Variants in CLASP1 observed in about 807,000 individuals in gnomAD.
The protein encoded by CLASP1 is cytoplasmic linker associated protein 1, also known as CLIP-associating protein 1.
CLASP1 carries 38 observed loss-of-function variants against 192.3 expected under a neutral mutation model. The ratio of observed to expected loss-of-function variants is 0.20; its 90% CI spans 0.15 to 0.26. The LOEUF (loss-of-function observed/expected upper bound fraction) is 0.26, where lower values mean the gene tolerates loss of function less well. CLASP1 is among the 10% of genes least tolerant of loss of function. CLASP1 has a pLI of 1.00. For missense variants in CLASP1, 1,433 were observed against 1,932.5 expected, an observed-to-expected ratio of 0.74 and a Z score of 4.85; for synonymous variants, 691 against 712.8, an observed-to-expected ratio of 0.97 and a Z score of 0.49.
At chr2:121,512,514 G>T (rs1166792173) in intron 7 of CLASP1, among the ~76,000 whole-genome samples, 2 of 152,124 alleles carry the variant, frequency 1.3e-5, no homozygotes, top group Non-Finnish European at 2.9e-5. Context: ...TACCTTTAGG[G>T]CCTCAACTAC....
intron 2 of CLASP1, chr2:121,602,967 T>C (rs2063965308): frequency 6.6e-6 from 1 of 151,938 alleles, no homozygotes; most frequent in South Asian, 2.1e-4. Flanking sequence ...TGGGATGATA[T>C]TAAACTAAAA....
chr2:121,420,013 A>G (rs1269453258), intron 22 of CLASP1, among the ~76,000 whole-genome samples: 2 of 152,224 alleles, frequency 1.3e-5, no homozygotes, highest in Non-Finnish European at 2.9e-5. Flanking sequence ...CTGATTAAAA[A>G]AAGAATACGA....
chr2:121,448,213 T>C, intron 18 of CLASP1, 63 bp downstream of exon 18: 1 of 1,437,336 alleles, frequency 7.0e-7, no homozygotes, highest in Non-Finnish European at 9.8e-7. Context: ...GGCAGCCTCT[T>C]GCAGCTGCAC....
chr2:121,499,842 G>A (rs1319785099), intron 8 of CLASP1, among the ~76,000 whole-genome samples: 1 of 150,944 alleles, frequency 6.6e-6, no homozygotes, highest in African/African-American at 2.4e-5. Flanking sequence ...ATAAACAGAA[G>A]TAAATAGAAA....
At chr2:121,551,558 G>A (rs1189869905) in intron 2 of CLASP1, among the ~76,000 whole-genome samples, 1 of 152,118 alleles carries the variant, frequency 6.6e-6, no homozygotes, top group Admixed American at 6.6e-5. Flanking sequence ...ACCAGCAACA[G>A]GCAAGCAGAG....
chr2:121,505,797 A>G (rs2093928567), intron 7 of CLASP1, among the ~76,000 whole-genome samples: 1 of 152,178 alleles, frequency 6.6e-6, no homozygotes, highest in African/African-American at 2.4e-5. Context: ...TAAACTCTTC[A>G]ATCCAATTAG....
At chr2:121,601,234 A>G (rs1027840033) in intron 2 of CLASP1, among the ~76,000 whole-genome samples, 1 of 151,814 alleles carries the variant, frequency 6.6e-6, no homozygotes, top group Non-Finnish European at 1.5e-5. Flanking sequence ...TGTAACAACC[A>G]TGGCTAACAT....
intron 1 of CLASP1, among the ~76,000 whole-genome samples, chr2:121,609,461 G>A (rs1374081008): frequency 6.6e-6 from 1 of 152,010 alleles, no homozygotes; most frequent in Non-Finnish European, 1.5e-5. Context: ...ATTTAAAAAA[G>A]GTAACTATTC....
chr2:121,409,462 G>A (rs1486354059), intron 24 of CLASP1, among the ~76,000 whole-genome samples: 1 of 152,128 alleles, frequency 6.6e-6, no homozygotes, highest in Admixed American at 6.5e-5. Flanking sequence ...TCAACAGTTT[G>A]GACAAAAAGT....
chr2:121,451,896 G>T, intron 14 of CLASP1, 47 bp from the exon 15 acceptor site: 1 of 1,364,520 alleles, frequency 7.3e-7, no homozygotes. Flanking sequence ...ATATTTTAGT[G>T]AAAATGAAAA....
exon 6 of CLASP1, chr2:121,525,877 T>C: frequency 6.2e-7 from 1 of 1,613,604 alleles, no homozygotes; most frequent in Non-Finnish European, 8.5e-7. Context: ...AAGTTGCATA[T>C]ATGTGGCACA....
chr2:121,598,966 A>T (rs2063458833), intron 2 of CLASP1, among the ~76,000 whole-genome samples: 1 of 152,110 alleles, frequency 6.6e-6, no homozygotes, highest in Non-Finnish European at 1.5e-5. Flanking sequence ...CCCAGGTTCA[A>T]GCAATTCTCC....
intron 19 of CLASP1, chr2:121,445,508 G>C (rs1559223283): frequency 1.6e-6 from 2 of 1,286,130 alleles, no homozygotes; most frequent in Non-Finnish European, 2.0e-6. Context: ...TAGAAGTTTG[G>C]AAAAGGATCA....
At chr2:121,563,705 A>G (rs1040552831) in intron 2 of CLASP1, among the ~76,000 whole-genome samples, 2 of 152,124 alleles carry the variant, frequency 1.3e-5, no homozygotes, top group African/African-American at 4.8e-5. Flanking sequence ...ATTACCTCCC[A>G]CTCTTATCTA....
At chr2:121,346,421 CTCTCATTT>C (rs1438851541) in intron 39 of CLASP1, among the ~76,000 whole-genome samples, 1 of 152,260 alleles carries the variant, frequency 6.6e-6, no homozygotes, top group Non-Finnish European at 1.5e-5. Flanking sequence ...AGTCTAGCCA[CTCTCATTT>C]TCAGTGACAT....
chr2:121,382,249 G>A (rs374526869), exon 33 of CLASP1: 40 of 1,608,796 alleles, frequency 2.5e-5, no homozygotes, highest in Non-Finnish European at 2.7e-5. Context: ...GGGAGGGAGC[G>A]GTGGGGATGG....
At position 121,427,705 on chromosome 2, in the gene CLASP1, G is replaced by A. The variant is rs1311661062; in HGVS notation, c.2018-275C>T. 3.3e-5 allele frequency among the ~76,000 whole-genome samples: 5 copies of A among 152,102 alleles called. No homozygotes were observed. The East Asian group carries it at 9.6e-4, about 29-fold the overall frequency. ...TGCTTTCTAGCTTTAAGCAACCTGAGGGAAGTGATTGTAACTTACTCATCT... is the reference window on the plus strand; with the variant it reads ...TGCTTTCTAGCTTTAAGCAACCTGAAGGAAGTGATTGTAACTTACTCATCT... On this transcript the variant is annotated intron_variant, in intron 20 of 39. Coordinates refer to ENST00000263710, the Ensembl canonical transcript of CLASP1.
At chr2:121,629,778 C>A (rs375408941) in intron 1 of CLASP1, among the ~76,000 whole-genome samples, 1 of 151,448 alleles carries the variant, frequency 6.6e-6, no homozygotes, top group Non-Finnish European at 1.5e-5. Context: ...GCGACAAGAG[C>A]GAAACTCCAT....
At chr2:121,538,554 A>G (rs980249176) in intron 2 of CLASP1, among the ~76,000 whole-genome samples, 6 of 152,080 alleles carry the variant, frequency 3.9e-5, no homozygotes, top group Non-Finnish European at 8.8e-5. Context: ...TTGGGAGGCC[A>G]TGACGGGCAG....
Sources: gnomAD v4.1 joint callset for allele counts (sites outside exome capture counted in the v4.1 genomes callset) on GRCh38, gnomAD v4.1.1 for gene constraint, MANE v1.5 for transcripts, NCBI Gene and HGNC (gene_info 2026-07-23, HGNC 2026-07-21) for gene names.